Variants in MACROD2 observed in about 807,000 individuals in gnomAD.
MACROD2 encodes the protein mono-ADP ribosylhydrolase 2, also known as ADP-ribose glycohydrolase MACROD2.
A neutral mutation model predicts 70.4 loss-of-function variants in MACROD2; 36 were observed. The ratio of observed to expected loss-of-function variants is 0.51; its 90% confidence interval spans 0.39 to 0.68. MACROD2 has a LOEUF of 0.68. Among genes scored for constraint, MACROD2 ranks in the 30% least tolerant of loss-of-function variants. The probability of loss-of-function intolerance (pLI) is 0.00; values close to 1 mark genes in which losing one functional copy is unlikely to be tolerated. For missense variants in MACROD2, 496 were observed against 538.4 expected (o/e 0.92, Z 0.78); for synonymous variants, 172 against 178.8 (o/e 0.96, Z 0.30).
intron 8 of MACROD2, among the ~76,000 whole-genome samples, chr20:15,814,747 G>T (rs73246195): frequency 0.032 from 4,795 of 152,216 alleles, 154 homozygotes; most frequent in East Asian, 0.11. Context: ...ACTTACCTGG[G>T]TTATGCATTC....
chr20:14,532,218 CTT>C (rs1170533352), intron 4 of MACROD2, among the ~76,000 whole-genome samples: 39 of 131,396 alleles, frequency 3.0e-4, no homozygotes, highest in African/African-American at 6.4e-4. Flanking sequence ...TATAACTAAT[CTT>C]TTTTTTTTTT....
At chr20:14,156,735 A>G (rs1008549239) in intron 3 of MACROD2, among the ~76,000 whole-genome samples, 2 of 152,164 alleles carry the variant, frequency 1.3e-5, no homozygotes, top group Non-Finnish European at 2.9e-5. Flanking sequence ...TCTTGAAACT[A>G]CTTTTTCTTT....
chr20:15,300,581 G>A (rs1293172857), intron 6 of MACROD2, among the ~76,000 whole-genome samples: 3 of 152,190 alleles, frequency 2.0e-5, no homozygotes, highest in African/African-American at 7.2e-5. Context: ...GGCTAGCTAG[G>A]TGATTCATGT....
chr20:14,685,826 T>C (rs1021596211), intron 5 of MACROD2, among the ~76,000 whole-genome samples: 3 of 152,232 alleles, frequency 2.0e-5, no homozygotes, highest in Non-Finnish European at 4.4e-5. Context: ...CTGGTTTTGA[T>C]TTTTGTTTTA....
At chr20:15,139,385 G>A (rs1170185055) in intron 5 of MACROD2, among the ~76,000 whole-genome samples, 1 of 152,008 alleles carries the variant, frequency 6.6e-6, no homozygotes, top group African/African-American at 2.4e-5. Context: ...GTTTTATGGT[G>A]GGGGGGTGTC....
chr20:14,835,987 C>T (rs985124304), intron 5 of MACROD2, among the ~76,000 whole-genome samples: 2 of 152,002 alleles, frequency 1.3e-5, no homozygotes, highest in African/African-American at 2.4e-5. Context: ...GATTTTACCA[C>T]GTCCTTTTTG....
At chr20:16,018,230 G>A (rs1299837207) in intron 15 of MACROD2, among the ~76,000 whole-genome samples, 2 of 152,144 alleles carry the variant, frequency 1.3e-5, no homozygotes, top group Non-Finnish European at 2.9e-5. Flanking sequence ...AGCTCCCATA[G>A]GGAGAAGAAA....
In MACROD2 at chr20:15,533,761, GTGGTCC is replaced by G. The variant is rs560222122; in HGVS notation, c.645+33918_645+33923del. Among the ~76,000 whole-genome samples, 35 of 152,308 alleles carry G rather than the reference GTGGTCC, an allele frequency of 2.3e-4. No individual in the cohort carries two copies. In the East Asian group the frequency reaches 6.8e-3, roughly 29 times the overall value. Reference sequence around the variant, plus strand: ...CTATAAAAGGATTGAAAGTGATAGTGTGGTCCTGGGATGGAGGAGGGAGGGAACTTG... The same window carrying G: ...CTATAAAAGGATTGAAAGTGATAGTGTGGGATGGAGGAGGGAGGGAACTTG... On this transcript the variant is annotated intron_variant, in intron 8 of 17. Coordinates refer to ENST00000684519, the MANE Select transcript of MACROD2 (RefSeq NM_001351661.2).
intron 5 of MACROD2, among the ~76,000 whole-genome samples, chr20:15,215,525 A>C (rs2076802904): frequency 6.6e-6 from 1 of 151,994 alleles, no homozygotes; most frequent in South Asian, 2.1e-4. Context: ...GATTATTTGC[A>C]TTACAAATAA....
At chr20:14,630,208 A>G (rs1233108377) in intron 4 of MACROD2, among the ~76,000 whole-genome samples, 1 of 152,160 alleles carries the variant, frequency 6.6e-6, no homozygotes, top group Non-Finnish European at 1.5e-5. Context: ...AAACAACAGG[A>G]GCAATTTTGG....
chr20:15,705,915 A>ATG (rs1163868532), intron 8 of MACROD2, among the ~76,000 whole-genome samples: 1 of 152,180 alleles, frequency 6.6e-6, no homozygotes, highest in Non-Finnish European at 1.5e-5. Context: ...AAGCTTGTTA[A>ATG]TGTAGGTTGT....
At chr20:14,612,555 C>A (rs897310927) in intron 4 of MACROD2, among the ~76,000 whole-genome samples, 1 of 151,996 alleles carries the variant, frequency 6.6e-6, no homozygotes, top group East Asian at 1.9e-4. Context: ...CATATGCATG[C>A]AGTATAAAAA....
intron 3 of MACROD2, among the ~76,000 whole-genome samples, chr20:14,373,273 G>A (rs1186321755): frequency 6.6e-6 from 1 of 151,914 alleles, no homozygotes; most frequent in Non-Finnish European, 1.5e-5. Context: ...GGTAAAATTT[G>A]GCATATATAA....
At chr20:16,021,717 A>G (rs1030461234) in intron 15 of MACROD2, among the ~76,000 whole-genome samples, 1 of 152,198 alleles carries the variant, frequency 6.6e-6, no homozygotes, top group Non-Finnish European at 1.5e-5. Context: ...CCTATTAGGA[A>G]CCTGAATCGC....
At chr20:15,492,377 C>A (rs1306405215) in intron 7 of MACROD2, among the ~76,000 whole-genome samples, 1 of 152,136 alleles carries the variant, frequency 6.6e-6, no homozygotes, top group Non-Finnish European at 1.5e-5. Flanking sequence ...ATCTCTCCTC[C>A]CGTGCATGGT....
At chr20:15,457,576 C>T (rs1365763159) in intron 7 of MACROD2, among the ~76,000 whole-genome samples, 2 of 152,066 alleles carry the variant, frequency 1.3e-5, no homozygotes, top group Non-Finnish European at 2.9e-5. Context: ...ACTCCAGTAC[C>T]GTCCATGATG....
chr20:15,813,279 G>T (rs543560234), intron 8 of MACROD2, among the ~76,000 whole-genome samples: 1 of 152,238 alleles, frequency 6.6e-6, no homozygotes, highest in East Asian at 1.9e-4. Flanking sequence ...TACACGTCTT[G>T]CTACTTCTTA....
chr20:15,814,538 C>T (rs1360863796), intron 8 of MACROD2, among the ~76,000 whole-genome samples: 1 of 152,172 alleles, frequency 6.6e-6, no homozygotes, highest in African/African-American at 2.4e-5. Flanking sequence ...GTTACTTCAC[C>T]ACTCTTTCCA....
intron 3 of MACROD2, among the ~76,000 whole-genome samples, chr20:14,289,391 G>T (rs975876957): frequency 1.3e-5 from 2 of 152,158 alleles, no homozygotes; most frequent in South Asian, 4.1e-4. Context: ...ACAATACAAA[G>T]GTGTGGCCTC....
Sources: gnomAD v4.1 joint callset for allele counts (sites outside exome capture counted in the v4.1 genomes callset) on GRCh38, gnomAD v4.1.1 for gene constraint, MANE v1.5 for transcripts, NCBI Gene and HGNC (gene_info 2026-07-23, HGNC 2026-07-21) for gene names.